Variants in AIG1 observed in about 807,000 individuals in gnomAD.
AIG1 encodes androgen-induced gene 1 protein.
Under a neutral mutation model 31.4 loss-of-function variants are expected in AIG1, and 23 were observed. The observed-to-expected ratio is 0.73, with a 90% CI of 0.53 to 1.04. The LOEUF (loss-of-function observed/expected upper bound fraction) is 1.04. AIG1 is among the 50% of genes least tolerant of loss of function. AIG1 has a pLI of 0.00. For synonymous variants in AIG1, 100 were observed against 110.5 expected (o/e 0.90, Z 0.60); for missense variants, 274 against 295.0 (o/e 0.93, Z 0.52).
In AIG1 at chr6:143,298,863, T is replaced by C. The variant is rs910178519; in HGVS notation, c.515+14638T>C. The stretch of plus-strand genomic sequence containing the variant: ...CAGTCGCTAGCCACAGTATGTGCAC[T>C]CAGAAGAAGGGAAATCTTAATTTTT... On this transcript the variant is annotated intron_variant, in intron 4 of 5. Transcript: ENST00000357847. The surrounding 1 kb of genome is among the most constrained non-coding windows in gnomAD (Gnocchi z 5.1). 6.6e-6 allele frequency: 1 copy of C among 152,224 alleles called. No individual in the cohort carries two copies. The highest frequency in any genetic ancestry group is 1.5e-5 in the Non-Finnish European group (1 of 68,034). The allele number at this position is 152,224 out of a possible 1,614,324, so 9.4% of individuals were successfully genotyped here. A position where few individuals can be genotyped will look rare whatever the true frequency, so the allele number is the denominator to read the frequency against.
rs1797817482 is a variant in AIG1, at chr6:143,288,120, A to G, written c.515+3895A>G. Among the ~76,000 whole-genome samples, 1 of 152,134 alleles carries G rather than the reference A, an allele frequency of 6.6e-6. No individual in the cohort carries two copies. Among genetic ancestry groups the G allele is most frequent in the African/African-American group, 2.4e-5 (1 of 41,412 alleles). On this transcript the variant is annotated intron_variant, in intron 4 of 5. Transcript: ENST00000357847. This position sits in a 1 kb window ranked among gnomAD's most constrained non-coding sequence, Gnocchi z 4.4. ...ACCTGGTGCAGCCGTCTGGGGCTGA[A>G]TCTTTTCCCGGGCTGGCTCCACCCT... is the stretch of plus-strand genomic sequence containing the variant.
chr6:143,156,570 A>G (rs1785782258), intron 2 of AIG1, among the ~76,000 whole-genome samples: 1 of 152,214 alleles, frequency 6.6e-6, no homozygotes, highest in South Asian at 2.1e-4. Context: ...GCTTCAGTAT[A>G]TCTGTCTGTT....
At chr6:143,172,548 C>A (rs897690489) in intron 3 of AIG1, among the ~76,000 whole-genome samples, 1 of 152,062 alleles carries the variant, frequency 6.6e-6, no homozygotes, top group African/African-American at 2.4e-5. Context: ...ATGCCCTTTC[C>A]TGGTTTTGGT....
Position 143,293,723 on chromosome 6 carries a change from T to A in AIG1, c.515+9498T>A, listed in dbSNP as rs1329610884. On this transcript the variant is annotated intron_variant, in intron 4 of 5. Transcript: ENST00000357847. This position sits in a 1 kb window ranked among gnomAD's most constrained non-coding sequence, Gnocchi z 4.8. ...TGAAGAACTAGAATTCCCCATGTGC[T>A]ATTAACCTTGCCCCACCCTGAAGTC... Among the ~76,000 whole-genome samples, 7 of 152,230 alleles carry A rather than the reference T, an allele frequency of 4.6e-5. No individual in the cohort carries two copies. The highest frequency in any genetic ancestry group is 1.0e-4 in the Non-Finnish European group (7 of 68,050).
chr6:143,269,965 G>A (rs1416245842), intron 3 of AIG1, among the ~76,000 whole-genome samples: 1 of 152,104 alleles, frequency 6.6e-6, no homozygotes, highest in Non-Finnish European at 1.5e-5. Flanking sequence ...ACTTTTCTGT[G>A]ATATGGTATA....
intron 3 of AIG1, among the ~76,000 whole-genome samples, chr6:143,183,411 GC>G (rs373357824): frequency 4.7e-4 from 71 of 152,266 alleles, no homozygotes; most frequent in Non-Finnish European, 8.7e-4. Flanking sequence ...GGCCAGGATG[GC>G]CTCAATCTCC....
chr6:143,270,157 T>C (rs974726377), intron 3 of AIG1, among the ~76,000 whole-genome samples: 2 of 152,176 alleles, frequency 1.3e-5, no homozygotes, highest in African/African-American at 4.8e-5. Flanking sequence ...AGGGCTCCAG[T>C]TGGCTCAAAG....
intron 1 of AIG1, among the ~76,000 whole-genome samples, chr6:143,108,102 G>A (rs1012739014): frequency 4.1e-5 from 6 of 145,968 alleles, no homozygotes; most frequent in Non-Finnish European, 7.5e-5. Flanking sequence ...GTAAAACATA[G>A]TTTTAGAATA....
chr6:143,296,394 G>T (rs932533654), intron 4 of AIG1, among the ~76,000 whole-genome samples: 1 of 152,106 alleles, frequency 6.6e-6, no homozygotes, highest in African/African-American at 2.4e-5. Flanking sequence ...TCCCCGAGGG[G>T]TGCCTTCTTG....
intron 3 of AIG1, among the ~76,000 whole-genome samples, chr6:143,212,407 C>G (rs1176775858): frequency 6.6e-6 from 1 of 152,160 alleles, no homozygotes; most frequent in Admixed American, 6.5e-5. Context: ...GGAAGGAGCA[C>G]ACAATGTGAG....
At chr6:143,202,693 C>T (rs1353885837) in intron 3 of AIG1, among the ~76,000 whole-genome samples, 1 of 151,984 alleles carries the variant, frequency 6.6e-6, no homozygotes, top group Non-Finnish European at 1.5e-5. Flanking sequence ...CCCTCGTGCC[C>T]CTGGAATGGG....
rs1777357393 is a variant in AIG1 at position 143,334,910 on chromosome 6, T to C, written c.679+1465T>C. Reference sequence around the variant, plus strand: ...GAGAGAAATATCCACTCTACATTAATAGAATACTGCTTTTTAGCAGCTTTG... The same window carrying C: ...GAGAGAAATATCCACTCTACATTAACAGAATACTGCTTTTTAGCAGCTTTG... On this transcript the variant is annotated intron_variant, in intron 5 of 5. Coordinates refer to ENST00000357847, the MANE Select transcript of AIG1 (RefSeq NM_016108.4). This position sits in a 1 kb window ranked among gnomAD's most constrained non-coding sequence, Gnocchi z 5.1. 10 of 480,692 alleles carry C rather than the reference T, an allele frequency of 2.1e-5. No homozygotes were observed. The highest frequency in any genetic ancestry group is 3.6e-5 in the Non-Finnish European group (10 of 281,124). The allele number at this position is 480,692 out of a possible 1,614,324, so 29.8% of individuals were successfully genotyped here.
chr6:143,253,143 C>T lies in AIG1; in HGVS notation c.400-30967C>T, dbSNP rs1187591683. 2.0e-5 allele frequency among the ~76,000 whole-genome samples: 3 copies of T among 152,234 alleles called. No individual in the cohort carries two copies. In the East Asian group the frequency reaches 5.8e-4, roughly 29 times the overall value. Reference sequence around the variant, plus strand: ...GAAGCAAGTCACTAGGCCAGCCGCACTCGAGGGCATGAATACCGAGCACTT... The same window carrying T: ...GAAGCAAGTCACTAGGCCAGCCGCATTCGAGGGCATGAATACCGAGCACTT... On this transcript the variant is annotated intron_variant, in intron 3 of 5. Transcript: ENST00000357847.
chr6:143,198,985 C>T (rs1790479085), intron 3 of AIG1, among the ~76,000 whole-genome samples: 1 of 152,082 alleles, frequency 6.6e-6, no homozygotes, highest in African/African-American at 2.4e-5. Context: ...AAGAAAGATC[C>T]AAAACTGCAG....
chr6:143,238,626 A>C (rs1793994727), intron 3 of AIG1, among the ~76,000 whole-genome samples: 1 of 152,252 alleles, frequency 6.6e-6, no homozygotes, highest in African/African-American at 2.4e-5. Flanking sequence ...GAAGAAAGTG[A>C]ATAGACAATT....
intron 1 of AIG1, among the ~76,000 whole-genome samples, chr6:143,073,895 A>G (rs9403435): frequency 6.6e-6 from 1 of 152,072 alleles, no homozygotes; most frequent in African/African-American, 2.4e-5. Flanking sequence ...ATGAGAAATC[A>G]CCATGATCCA....
chr6:143,093,387 T>C (rs1255058623), intron 1 of AIG1, among the ~76,000 whole-genome samples: 2 of 152,326 alleles, frequency 1.3e-5, no homozygotes, highest in East Asian at 1.9e-4. Flanking sequence ...TCAGCCCTCA[T>C]AGAATTGAAG....
At chr6:143,302,682 C>T (rs1254778561) in intron 4 of AIG1, among the ~76,000 whole-genome samples, 1 of 152,154 alleles carries the variant, frequency 6.6e-6, no homozygotes, top group Non-Finnish European at 1.5e-5. Context: ...CCGCAATAAA[C>T]ATACGTGTGC....
At chr6:143,194,081 C>T (rs1212902223) in intron 3 of AIG1, among the ~76,000 whole-genome samples, 1 of 152,072 alleles carries the variant, frequency 6.6e-6, no homozygotes, top group Non-Finnish European at 1.5e-5. Flanking sequence ...CCTGCTTATC[C>T]CCTGTATATT....
Sources: gnomAD v4.1 joint callset for allele counts (sites outside exome capture counted in the v4.1 genomes callset) on GRCh38, gnomAD v4.1.1 for gene constraint, Gnocchi (gnomAD v3.1) non-coding constraint, MANE v1.5 for transcripts, NCBI Gene and HGNC (gene_info 2026-07-23, HGNC 2026-07-21) for gene names.